PDE4D: variants seen among roughly 807,000 people sequenced by gnomAD.
PDE4D encodes the protein phosphodiesterase 4D.
In PDE4D, 24 loss-of-function variants were observed where a neutral mutation model predicts 87.4. The ratio of observed to expected loss-of-function variants is 0.27; its 90% CI spans 0.20 to 0.39. The LOEUF (loss-of-function observed/expected upper bound fraction) is 0.39, where lower values mean the gene tolerates loss of function less well. PDE4D is among the 10% of genes least tolerant of loss of function. The pLI, the probability that PDE4D is intolerant of heterozygous loss-of-function variation, is 1.00. For missense variants in PDE4D, 714 were observed against 1,041.0 expected (o/e 0.69, Z 4.32); for synonymous variants, 384 against 383.2 (o/e 1.00, Z -0.02).
chr5:59,543,963 T>A (rs1205733055), intron 1 of PDE4D, among the ~76,000 whole-genome samples: 1 of 152,192 alleles, frequency 6.6e-6, no homozygotes, highest in Non-Finnish European at 1.5e-5. Flanking sequence ...AGTCACAGCT[T>A]GACCTCTGAA....
rs548762116 is a variant in PDE4D, at chr5:60,013,945, T to C, written c.43-25228A>G. ...CATCTCTGCTAAAAAATACAAAAATTAGCTGGGCATGGTGGTGCACACCTG... is the reference window on the plus strand; with the variant it reads ...CATCTCTGCTAAAAAATACAAAAATCAGCTGGGCATGGTGGTGCACACCTG... On this transcript the variant is annotated intron_variant, in intron 2 of 16. Coordinates refer to the PDE4D transcript ENST00000502484. 2.7e-3 allele frequency among the ~76,000 whole-genome samples: 405 copies of C among 151,802 alleles called. 3 individuals carry two copies. Among genetic ancestry groups the C allele is most frequent in the African/African-American group, 9.4e-3 (390 of 41,408 alleles).
At chr5:60,421,654 T>A (rs1376732877) in intron 1 of PDE4D, among the ~76,000 whole-genome samples, 1 of 152,068 alleles carries the variant, frequency 6.6e-6, no homozygotes, top group African/African-American at 2.4e-5. Context: ...GGATCACAGC[T>A]CCTCACGAGC....
intron 1 of PDE4D, among the ~76,000 whole-genome samples, chr5:59,801,468 C>T (rs1337147717): frequency 6.6e-6 from 1 of 152,106 alleles, no homozygotes; most frequent in Non-Finnish European, 1.5e-5. Flanking sequence ...TATCTACTAA[C>T]TTTAGGAGTG....
chr5:59,574,060 A>AT (rs1822441105), intron 1 of PDE4D, among the ~76,000 whole-genome samples: 3 of 44,808 alleles, frequency 6.7e-5, no homozygotes, highest in African/African-American at 2.8e-4. Context: ...TTATATATAA[A>AT]AATATATATA....
chr5:59,366,618 ATAT>A (rs1783104788), intron 1 of PDE4D, among the ~76,000 whole-genome samples: 1 of 152,154 alleles, frequency 6.6e-6, no homozygotes, highest in African/African-American at 2.4e-5. Flanking sequence ...CTAAACTATA[ATAT>A]TTATAAATCA....
chr5:59,034,282 T>C (rs1340562955), intron 6 of PDE4D, among the ~76,000 whole-genome samples: 1 of 152,180 alleles, frequency 6.6e-6, no homozygotes. Flanking sequence ...AAATTTAAAG[T>C]TTGTATTTAG....
chr5:60,182,754 C>T (rs796526926), intron 2 of PDE4D, among the ~76,000 whole-genome samples: 33 of 152,206 alleles, frequency 2.2e-4, no homozygotes, highest in African/African-American at 7.5e-4. Context: ...GTGGCGGGCA[C>T]GTGTAGTCCC....
intron 2 of PDE4D, among the ~76,000 whole-genome samples, chr5:59,206,511 G>C (rs1425142240): frequency 6.6e-6 from 1 of 152,098 alleles, no homozygotes; most frequent in Non-Finnish European, 1.5e-5. Context: ...AGCTAAGACT[G>C]ACAAGCAAAA....
At chr5:59,123,684 A>C (rs2153447438) in intron 5 of PDE4D, among the ~76,000 whole-genome samples, 1 of 152,302 alleles carries the variant, frequency 6.6e-6, no homozygotes, top group East Asian at 1.9e-4. Flanking sequence ...GTGACATCTA[A>C]CACTTAGCAG....
chr5:60,384,269 T>C (rs780431102), intron 1 of PDE4D, among the ~76,000 whole-genome samples: 12 of 152,218 alleles, frequency 7.9e-5, no homozygotes, highest in Non-Finnish European at 1.5e-4. Context: ...TTTTTCAGTA[T>C]GGTAACGCAA....
At chr5:59,727,839 T>C (rs1756826020) in intron 1 of PDE4D, among the ~76,000 whole-genome samples, 1 of 152,108 alleles carries the variant, frequency 6.6e-6, no homozygotes, top group Admixed American at 6.6e-5. Context: ...GTGTCTGACC[T>C]ATGACAGGCT....
chr5:59,862,181 C>G (rs1270865900), intron 1 of PDE4D, among the ~76,000 whole-genome samples: 1 of 152,154 alleles, frequency 6.6e-6, no homozygotes, highest in African/African-American at 2.4e-5. Flanking sequence ...CATCCTATGC[C>G]ATCAAAACCA....
chr5:60,047,224 C>A (rs2152874821), intron 2 of PDE4D, among the ~76,000 whole-genome samples: 1 of 152,260 alleles, frequency 6.6e-6, no homozygotes, highest in African/African-American at 2.4e-5. Flanking sequence ...TCCCCTTTAT[C>A]ATTTTTTATT....
chr5:59,698,875 T>C (rs1428671981), intron 1 of PDE4D, among the ~76,000 whole-genome samples: 1 of 152,138 alleles, frequency 6.6e-6, no homozygotes, highest in Non-Finnish European at 1.5e-5. Flanking sequence ...AATCTCTGTG[T>C]CTCTGAAAAC....
In PDE4D at chr5:59,342,533, G is replaced by A. The variant is rs181730811; in HGVS notation, c.456-126565C>T. Among the ~76,000 whole-genome samples the A allele has an allele frequency of 3.6e-3, 550 of 152,170 alleles. 1 individual carries two copies. The highest frequency in any genetic ancestry group is 6.5e-3 in the Admixed American group (99 of 15,276). On this transcript the variant is annotated intron_variant, in intron 1 of 14. Transcript: ENST00000340635. Reference sequence around the variant, plus strand: ...ATTTCTCTCATATATAAATTGAAATGTTGAAATGATGAGATCTATTTTTAA... The same window carrying A: ...ATTTCTCTCATATATAAATTGAAATATTGAAATGATGAGATCTATTTTTAA...
intron 1 of PDE4D, among the ~76,000 whole-genome samples, chr5:60,383,875 T>A (rs1424402565): frequency 6.6e-6 from 1 of 152,312 alleles, no homozygotes; most frequent in African/African-American, 2.4e-5. Flanking sequence ...AAAAGTTGTA[T>A]TCTCTCCATT....
chr5:60,240,615 G>A (rs966995273), intron 1 of PDE4D, among the ~76,000 whole-genome samples: 15 of 152,106 alleles, frequency 9.9e-5, no homozygotes, highest in African/African-American at 3.1e-4. Context: ...CTGACCCAAC[G>A]CAGTCTCAGT....
At chr5:60,358,831 T>C (rs1461676243) in intron 1 of PDE4D, among the ~76,000 whole-genome samples, 1 of 152,194 alleles carries the variant, frequency 6.6e-6, no homozygotes, top group Non-Finnish European at 1.5e-5. Context: ...ATCAAATCAC[T>C]AGCAAACAAG....
intron 3 of PDE4D, among the ~76,000 whole-genome samples, chr5:59,933,192 C>A (rs1442977886): frequency 6.6e-6 from 1 of 152,196 alleles, no homozygotes; most frequent in East Asian, 1.9e-4. Context: ...GATTTGATTG[C>A]TAGCACTAAG....
Sources: gnomAD v4.1 joint callset for allele counts (sites outside exome capture counted in the v4.1 genomes callset) on GRCh38, gnomAD v4.1.1 for gene constraint, MANE v1.5 for transcripts, NCBI Gene and HGNC (gene_info 2026-07-23, HGNC 2026-07-21) for gene names.